The following RPL22 variants were observed in gnomAD, a reference collection of about 807,000 sequenced individuals.
The protein encoded by RPL22 is large ribosomal subunit protein eL22.
Under a neutral mutation model 16.2 loss-of-function variants are expected in RPL22, and 4 were observed. That is an observed-to-expected ratio of 0.25 (90% confidence interval 0.12 to 0.57). The LOEUF (loss-of-function observed/expected upper bound fraction) is 0.57. Among genes scored for constraint, RPL22 ranks in the 20% least tolerant of loss-of-function variants. RPL22 has a pLI of 0.92. For synonymous variants in RPL22, 43 were observed against 54.8 expected (o/e 0.78, Z 0.95); for missense variants, 83 against 156.1 (o/e 0.53, Z 2.49).
chr1:6,192,413 C>T (rs1667663584), intron 3 of RPL22, among the ~76,000 whole-genome samples: 1 of 152,184 alleles, frequency 6.6e-6, no homozygotes, highest in Admixed American at 6.5e-5. Flanking sequence ...AATACTTTAG[C>T]CTGGCCGGGC....
At chr1:6,199,533 G>A in intron 1 of RPL22, 29 bp downstream of exon 1, 2 of 1,556,184 alleles carry the variant, frequency 1.3e-6, no homozygotes, top group Non-Finnish European at 1.7e-6. Flanking sequence ...CTCCCCTGGA[G>A]CCGAGGCCTC....
chr1:6,193,342 G>C (rs1424306546), intron 2 of RPL22, among the ~76,000 whole-genome samples: 6 of 98,012 alleles, frequency 6.1e-5, no homozygotes, highest in Admixed American at 1.0e-4. Flanking sequence ...TTTTTTTTTT[G>C]AGATGGAGTT....
At chr1:6,187,628 A>AAC (rs1667599907) in intron 3 of RPL22, among the ~76,000 whole-genome samples, 5 of 138,154 alleles carry the variant, frequency 3.6e-5, no homozygotes, top group African/African-American at 1.4e-4. Context: ...AAAAAAAAAC[A>AAC]AAAAAAAAAA....
intron 1 of RPL22, chr1:6,199,177 A>G (rs781289026): frequency 4.3e-6 from 1 of 232,092 alleles, no homozygotes; most frequent in Non-Finnish European, 8.3e-6. Context: ...TTGGCCGTGG[A>G]CTTCCGAATG....
At chr1:6,190,293 A>T (rs1470346082) in intron 3 of RPL22, among the ~76,000 whole-genome samples, 2 of 152,252 alleles carry the variant, frequency 1.3e-5, no homozygotes, top group Non-Finnish European at 2.9e-5. Flanking sequence ...CTTCACGGAC[A>T]TAGCTAAACA....
chr1:6,195,847 A>G (rs1667709255), intron 2 of RPL22, among the ~76,000 whole-genome samples: 1 of 152,008 alleles, frequency 6.6e-6, no homozygotes, highest in Admixed American at 6.6e-5. Context: ...TGGATCACCT[A>G]AAGTCAGGGG....
intron 3 of RPL22, 143 bp downstream of exon 3, chr1:6,192,787 T>C: frequency 1.0e-6 from 1 of 956,342 alleles, no homozygotes; most frequent in Non-Finnish European, 1.6e-6. Flanking sequence ...ATAGCATTCA[T>C]CCACTGCCTC....
intron 3 of RPL22, among the ~76,000 whole-genome samples, chr1:6,187,586 C>A (rs1371599658): frequency 6.8e-6 from 1 of 146,986 alleles, no homozygotes; most frequent in Non-Finnish European, 1.5e-5. Context: ...TGCACTCCAG[C>A]CTGGGCGACA....
At chr1:6,192,186 C>A (rs1667660758) in intron 3 of RPL22, among the ~76,000 whole-genome samples, 1 of 152,054 alleles carries the variant, frequency 6.6e-6, no homozygotes, top group Non-Finnish European at 1.5e-5. Flanking sequence ...AGTGGCTGGA[C>A]TACAGGCACA....
chr1:6,198,565 G>A (rs1330057321), intron 1 of RPL22: 1 of 152,170 alleles, frequency 6.6e-6, no homozygotes, highest in African/African-American at 2.4e-5. Context: ...TAAAAGCTCT[G>A]CAGAACTAAA....
In RPL22 at chr1:6,185,452, A is replaced by C. The variant is rs1667572171; in HGVS notation, c.*1220T>G. 1 of 398,626 alleles carries C rather than the reference A, an allele frequency of 2.5e-6. No homozygotes were observed. 24.7% of individuals were successfully genotyped at this position (398,626 alleles called of 1,614,324 possible). ...AGCCTTTAACACAAGTGAAATTGCAAAGCCTCAACACGTTCAACTCAATCC... is the reference window on the plus strand; with the variant it reads ...AGCCTTTAACACAAGTGAAATTGCACAGCCTCAACACGTTCAACTCAATCC... On this transcript the variant is annotated 3_prime_UTR_variant, in exon 4 of 4. Transcript: ENST00000234875.
At chr1:6,197,574 A>G in intron 2 of RPL22, 78 bp downstream of exon 2, 1 of 919,136 alleles carries the variant, frequency 1.1e-6, no homozygotes, top group African/African-American at 1.6e-5. Flanking sequence ...TGAAAACAGA[A>G]ATGTACCCCA....
chr1:6,187,125 T>A (rs965563565), intron 3 of RPL22, among the ~76,000 whole-genome samples: 2 of 151,752 alleles, frequency 1.3e-5, no homozygotes, highest in Non-Finnish European at 2.9e-5. Context: ...CTGAACAACA[T>A]GGTGAAACCC....
chr1:6,186,613 C>G lies in RPL22; in HGVS notation c.*59G>C. 8.5e-7 allele frequency: 1 copy of G among 1,177,664 alleles called. No individual in the cohort carries two copies. Among genetic ancestry groups the G allele is most frequent in the Non-Finnish European group, 1.2e-6 (1 of 846,706 alleles). 73.0% of individuals were successfully genotyped at this position (1,177,664 alleles called of 1,614,324 possible). A position where few individuals can be genotyped will look rare whatever the true frequency, so the allele number is the denominator to read the frequency against. On this transcript the variant is annotated 3_prime_UTR_variant, in exon 4 of 4. Transcript: ENST00000234875. ...CTGCAGAGATACAAGGATAAACCACCATTTTGGTTCCCAAGTTTTATTCAA... is the reference window on the plus strand; with the variant it reads ...CTGCAGAGATACAAGGATAAACCACGATTTTGGTTCCCAAGTTTTATTCAA...
At position 6,199,331 on chromosome 1, in the gene RPL22, C is replaced by CCCCGGGCCTCCGAGACCT. The variant is rs1172849523; in HGVS notation, c.12+213_12+230dup. Reference sequence around the variant, plus strand: ...GCTCCCCGCTAGCCCCTAGCTGGGGCCCCGGGCCTCCGAGACCTCCCGGAT... The same window carrying CCCCGGGCCTCCGAGACCT: ...GCTCCCCGCTAGCCCCTAGCTGGGGCCCCGGGCCTCCGAGACCTCCCGGGCCTCCGAGACCTCCCGGAT... On this transcript the variant is annotated intron_variant, in intron 1 of 3. Transcript: ENST00000234875. 2.4e-6 allele frequency: 3 copies of CCCCGGGCCTCCGAGACCT among 1,233,172 alleles called. No homozygotes were observed. In the East Asian group the frequency reaches 9.0e-5, roughly 37 times the overall value. The allele number at this position is 1,233,172 out of a possible 1,614,324, so 76.4% of individuals were successfully genotyped here.
In RPL22 at chr1:6,186,497, AG is replaced by A. The variant is rs1218741527; in HGVS notation, c.*174del. The stretch of plus-strand genomic sequence containing the variant: ...ACCACGAGAATTGAAATTTTTAAGC[AG>A]AAAAAAAAAGAAGTCAAGTTACAAA... On this transcript the variant is annotated 3_prime_UTR_variant, in exon 4 of 4. Coordinates refer to ENST00000234875, the MANE Select transcript of RPL22 (RefSeq NM_000983.4). 1 of 493,114 alleles carries A rather than the reference AG, an allele frequency of 2.0e-6. No individual in the cohort carries two copies. The highest frequency in any genetic ancestry group is 3.5e-6 in the Non-Finnish European group (1 of 283,688). The allele number at this position is 493,114 out of a possible 1,614,324, so 30.5% of individuals were successfully genotyped here. A position where few individuals can be genotyped will look rare whatever the true frequency, so the allele number is the denominator to read the frequency against.
At chr1:6,191,419 G>A (rs1449547233) in intron 3 of RPL22, among the ~76,000 whole-genome samples, 1 of 142,474 alleles carries the variant, frequency 7.0e-6, no homozygotes, top group Non-Finnish European at 1.5e-5. Flanking sequence ...TGTAATCCCA[G>A]CACTCTGGGA....
intron 3 of RPL22, among the ~76,000 whole-genome samples, chr1:6,188,287 C>G (rs1301157351): frequency 6.6e-6 from 1 of 152,204 alleles, no homozygotes; most frequent in Admixed American, 6.5e-5. Context: ...CCACCTCAGC[C>G]TCCCGAAGTG....
Position 6,192,978 on chromosome 1 carries a change from C to T in RPL22, c.194G>A (p.Arg65Lys). Residue 65 changes from arginine (R) to lysine (K), a missense_variant, in exon 3 of 4, where the codon AGG becomes AAG. By Grantham distance (26) the Arg-to-Lys change is conservative. Transcript: ENST00000234875. ...TGTCACGGTGATCTTGCTCTTGCTC[C>T]TTTCGATGGTCACCACCCCTCCACC... Reference protein sequence around the residue: ...NLGGGVVTIERSKSKITVTSE... With the variant: ...NLGGGVVTIEKSKSKITVTSE... The T allele has an allele frequency of 6.2e-7, 1 of 1,614,118 alleles. No homozygotes were observed. Among genetic ancestry groups the T allele is most frequent in the Non-Finnish European group, 8.5e-7 (1 of 1,180,026 alleles).
Sources: gnomAD v4.1 joint callset for allele counts (sites outside exome capture counted in the v4.1 genomes callset) on GRCh38, gnomAD v4.1.1 for gene constraint, MANE v1.5 for transcripts, NCBI Gene and HGNC (gene_info 2026-07-23, HGNC 2026-07-21) for gene names.